Variants in ATRX observed in about 807,000 individuals in gnomAD.
ATRX encodes ATRX chromatin remodeler.
A neutral mutation model predicts 172.6 loss-of-function variants in ATRX; 12 were observed. The ratio of observed to expected loss-of-function variants is 0.07; its 90% confidence interval spans 0.04 to 0.11. The LOEUF (loss-of-function observed/expected upper bound fraction) is 0.11, where lower values mean the gene tolerates loss of function less well. ATRX is among the 10% of genes least tolerant of loss of function. The pLI is 1.00. For synonymous variants in ATRX, 674 were observed against 594.7 expected (o/e 1.13, Z -1.94); for missense variants, 1,368 against 1,767.4 (o/e 0.77, Z 4.05).
chrX:77,691,113 A>G (rs868944542), intron 6 of ATRX: 2 of 112,533 alleles, frequency 1.8e-5, no homozygotes, highest in South Asian at 3.6e-4. Flanking sequence ...TATATACAGC[A>G]TATTATTTTG....
At chrX:77,541,013 A>G (rs2063961534) in intron 30 of ATRX, among the ~76,000 whole-genome samples, 1 of 111,930 alleles carries the variant, frequency 8.9e-6, no homozygotes, top group Non-Finnish European at 1.9e-5. Flanking sequence ...TTCAAAAAAA[A>G]TCAATGAATC....
At chrX:77,679,602 A>C (rs2071082812) in intron 9 of ATRX, among the ~76,000 whole-genome samples, 1 of 112,007 alleles carries the variant, frequency 8.9e-6, no homozygotes, top group African/African-American at 3.2e-5. Context: ...GGTGCATAAC[A>C]GAAACTTTCA....
chrX:77,674,303 C>A lies in ATRX; in HGVS notation c.3809+1923G>T, dbSNP rs782415423. 2.7e-5 allele frequency: 3 copies of A among 111,349 alleles called. No individual in the cohort carries two copies. The South Asian group carries it at 1.1e-3, about 41-fold the overall frequency. 9.2% of individuals were successfully genotyped at this position (111,349 alleles called of 1,213,427 possible). A position where few individuals can be genotyped will look rare whatever the true frequency, so the allele number is the denominator to read the frequency against. On this transcript the variant is annotated intron_variant, in intron 10 of 34. Transcript: ENST00000373344. ...GAAAGTATTTGTATCCCCATCATGA[C>A]TACATAACCCATGGGTATTAGATAC... is the stretch of plus-strand genomic sequence containing the variant.
At chrX:77,661,158 T>C (rs1000064618) in intron 12 of ATRX, among the ~76,000 whole-genome samples, 7 of 112,289 alleles carry the variant, frequency 6.2e-5, no homozygotes, top group African/African-American at 1.6e-4. Context: ...TCTTGTTCCT[T>C]GATCTGGGTG....
At position 77,663,484 on chromosome X, in the gene ATRX, G is replaced by A. The variant is rs2070041722; in HGVS notation, c.4018C>T (p.Leu1340Phe). Residue 1340 changes from leucine (L) to phenylalanine (F), a missense_variant, in exon 12 of 35, where the codon CTT becomes TTT. Coordinates refer to ENST00000373344, the MANE Select transcript of ATRX (RefSeq NM_000489.6). Reference protein sequence around the residue: ...ESKKPRYRHRLLRHKLTVSDG... With the variant: ...ESKKPRYRHRFLRHKLTVSDG... The stretch of plus-strand genomic sequence containing the variant: ...CTCACAGTCAATTTGTGCCGCAAAA[G>A]CCTATGTCTGTATCTTGGCTTCTTA... 2 of 1,210,777 alleles carry A rather than the reference G, an allele frequency of 1.7e-6. No homozygotes were observed. The highest frequency in any genetic ancestry group is 2.2e-6 in the Non-Finnish European group (2 of 894,707).
At chrX:77,727,574 C>T (rs1317507625) in intron 1 of ATRX, among the ~76,000 whole-genome samples, 1 of 109,336 alleles carries the variant, frequency 9.1e-6, no homozygotes, top group Non-Finnish European at 1.9e-5. Flanking sequence ...AGCAAACTAA[C>T]ACAGGAACAG....
intron 30 of ATRX, among the ~76,000 whole-genome samples, chrX:77,545,867 C>T (rs2064220088): frequency 9.0e-6 from 1 of 111,255 alleles, no homozygotes; most frequent in East Asian, 2.8e-4. Flanking sequence ...GACCCCTGTC[C>T]TTAACCACTC....
chrX:77,510,770 G>A (rs1043004642), intron 34 of ATRX, among the ~76,000 whole-genome samples: 4 of 112,172 alleles, frequency 3.6e-5, no homozygotes, highest in South Asian at 3.7e-4. Flanking sequence ...CAGCTCAGCC[G>A]AAGTAGAATA....
chrX:77,723,786 C>A (rs1183942466), intron 1 of ATRX, among the ~76,000 whole-genome samples: 1 of 111,231 alleles, frequency 9.0e-6, no homozygotes, highest in African/African-American at 3.3e-5. Context: ...AATAGATCAC[C>A]ATAGAAAAGT....
Position 77,526,239 on chromosome X carries a change from A to G in ATRX, c.6700-2838T>C, listed in dbSNP as rs782008851. 6.3e-5 allele frequency among the ~76,000 whole-genome samples: 7 copies of G among 111,002 alleles called. No individual in the cohort carries two copies. In the South Asian group the frequency reaches 2.2e-3, roughly 36 times the overall value. On this transcript the variant is annotated intron_variant, in intron 30 of 34. Coordinates refer to ENST00000373344, the MANE Select transcript of ATRX (RefSeq NM_000489.6). ...CTACTTCCCAGAACTATTCCCTTAG[A>G]AAAAAAAAGGTAATTCAATGAAAGA...
rs61752455 is a variant in ATRX, at chrX:77,682,661, G to A, written c.2595C>T (p.His865=). The change falls in exon 9 of 35, where the codon CAC becomes CAT. Residue 865 remains histidine (H), a synonymous_variant. Transcript: ENST00000373344. ...HSKKGMDNQG[H]KNLKTSQEGS... ...CTTCTTGTGAGGTCTTCAAATTTTT[G>A]TGCCCTTGATTATCCATTCCTTTTT... 7 of 1,206,841 alleles carry A rather than the reference G, an allele frequency of 5.8e-6. No homozygotes were observed. Among genetic ancestry groups the A allele is most frequent in the Non-Finnish European group, 7.8e-6 (7 of 894,792 alleles).
intron 1 of ATRX, among the ~76,000 whole-genome samples, chrX:77,725,505 A>G (rs1379023805): frequency 3.6e-5 from 4 of 112,214 alleles, no homozygotes; most frequent in Non-Finnish European, 7.5e-5. Flanking sequence ...GTCAGACCTA[A>G]AACCATAAAA....
chrX:77,739,268 T>C (rs1249161754), intron 1 of ATRX, among the ~76,000 whole-genome samples: 1 of 110,718 alleles, frequency 9.0e-6, no homozygotes, highest in Non-Finnish European at 1.9e-5. Flanking sequence ...GTTACTTCAC[T>C]TAGAATAATA....
intron 22 of ATRX, among the ~76,000 whole-genome samples, chrX:77,608,225 C>T (rs1211273119): frequency 4.6e-5 from 5 of 109,154 alleles, no homozygotes; most frequent in Non-Finnish European, 9.5e-5. Context: ...AAAAATTAGT[C>T]CAGCACAGTG....
At chrX:77,783,167 G>A (rs782426160) in intron 1 of ATRX, among the ~76,000 whole-genome samples, 10 of 110,987 alleles carry the variant, frequency 9.0e-5, no homozygotes, top group African/African-American at 2.9e-4. Context: ...CCTGGGAGGC[G>A]GAGGCGGCAG....
intron 22 of ATRX, among the ~76,000 whole-genome samples, chrX:77,613,791 G>C (rs1182405978): frequency 9.0e-6 from 1 of 111,712 alleles, no homozygotes; most frequent in Non-Finnish European, 1.9e-5. Flanking sequence ...TTGCACAGTT[G>C]TCAAAATAAG....
chrX:77,615,110 C>T (rs997703857), intron 22 of ATRX, among the ~76,000 whole-genome samples: 1 of 110,891 alleles, frequency 9.0e-6, no homozygotes, highest in Non-Finnish European at 1.9e-5. Flanking sequence ...GCAAACCTCC[C>T]GCCTCAGCCT....
At chrX:77,579,405 T>C (rs1423358885) in intron 27 of ATRX, among the ~76,000 whole-genome samples, 5 of 107,394 alleles carry the variant, frequency 4.7e-5, no homozygotes, top group Non-Finnish European at 7.8e-5. Context: ...ACAGGGGTGC[T>C]TGTGTCACCC....
intron 30 of ATRX, among the ~76,000 whole-genome samples, chrX:77,534,636 CT>C (rs1269358264): frequency 9.0e-6 from 1 of 111,105 alleles, no homozygotes; most frequent in African/African-American, 3.3e-5. Flanking sequence ...TTTGTCTAAA[CT>C]TTTTTTTCCT....
Sources: allele counts gnomAD v4.1 joint callset (sites outside exome capture counted in the v4.1 genomes callset), GRCh38; gene constraint gnomAD v4.1.1; transcripts MANE v1.5; gene names NCBI Gene and HGNC (gene_info 2026-07-23, HGNC 2026-07-21).